Variants in NCKAP5 observed in about 807,000 individuals in gnomAD.
The protein encoded by NCKAP5 is nck-associated protein 5.
A neutral mutation model predicts 167.0 loss-of-function variants in NCKAP5; 92 were observed. That is an observed-to-expected ratio of 0.55 (90% CI 0.47 to 0.66). NCKAP5 has a LOEUF of 0.66. NCKAP5 is among the 30% of genes least tolerant of loss of function. The pLI is 0.00. For missense variants in NCKAP5, 2,378 were observed against 2,315.0 expected (o/e 1.03, Z -0.56); for synonymous variants, 891 against 877.4 (o/e 1.02, Z -0.27).
intron 3 of NCKAP5, among the ~76,000 whole-genome samples, chr2:133,396,393 C>G (rs1345429361): frequency 1.3e-5 from 2 of 152,106 alleles, no homozygotes; most frequent in African/African-American, 4.8e-5. Flanking sequence ...CCTACACTCA[C>G]TAATTCTTTC....
At chr2:133,016,461 C>T (rs751684422) in intron 6 of NCKAP5, among the ~76,000 whole-genome samples, 18 of 152,138 alleles carry the variant, frequency 1.2e-4, no homozygotes, top group Non-Finnish European at 2.1e-4. Context: ...ACAGGCCTTC[C>T]GTGTTAAGAA....
the NCKAP5 span, among the ~76,000 whole-genome samples, chr2:133,577,526 T>C: frequency 1.3e-5 from 2 of 152,148 alleles, no homozygotes; most frequent in African/African-American, 4.8e-5. Context: ...TTTTAAATTA[T>C]TATTATTATA....
intron 4 of NCKAP5, 81 bp downstream of exon 4, chr2:133,302,956 G>T: frequency 1.0e-6 from 1 of 972,032 alleles, no homozygotes; most frequent in Non-Finnish European, 1.6e-6. Flanking sequence ...ATATTCTGTA[G>T]TCTAACTGAA....
chr2:133,071,312 G>C (rs1432805983), intron 6 of NCKAP5, among the ~76,000 whole-genome samples: 1 of 151,762 alleles, frequency 6.6e-6, no homozygotes, highest in African/African-American at 2.4e-5. Context: ...GGGCGTAGTG[G>C]CGGGCGCCTG....
At chr2:133,590,241 A>G in the NCKAP5 span, among the ~76,000 whole-genome samples, 27 of 152,152 alleles carry the variant, frequency 1.8e-4, no homozygotes, top group African/African-American at 6.3e-4. Context: ...CTGTAATTCC[A>G]GCACTTTGGG....
At chr2:132,976,365 C>G (rs1191053674) in intron 7 of NCKAP5, among the ~76,000 whole-genome samples, 2 of 152,004 alleles carry the variant, frequency 1.3e-5, no homozygotes, top group East Asian at 3.9e-4. Context: ...GAGTTCAAGA[C>G]CAGCTTGGCC....
At chr2:133,661,665 G>T in the NCKAP5 span, among the ~76,000 whole-genome samples, 6 of 152,118 alleles carry the variant, frequency 3.9e-5, no homozygotes, top group Non-Finnish European at 5.9e-5. Flanking sequence ...CTCACTCCTA[G>T]CAGGCTTCCA....
At chr2:133,255,340 A>G (rs1353831056) in intron 4 of NCKAP5, among the ~76,000 whole-genome samples, 1 of 152,200 alleles carries the variant, frequency 6.6e-6, no homozygotes, top group African/African-American at 2.4e-5. Context: ...AATGCAAAAT[A>G]AAATAAACTG....
intron 5 of NCKAP5, among the ~76,000 whole-genome samples, chr2:133,194,227 C>A (rs1213929352): frequency 6.6e-6 from 1 of 151,966 alleles, no homozygotes; most frequent in Non-Finnish European, 1.5e-5. Context: ...TTATCCTATA[C>A]CTGAATTAAT....
chr2:132,995,033 G>A (rs1367284618), intron 6 of NCKAP5, among the ~76,000 whole-genome samples: 5 of 152,132 alleles, frequency 3.3e-5, no homozygotes, highest in South Asian at 4.1e-4. Flanking sequence ...CACTTGCCAC[G>A]AATGGAGCTC....
intron 3 of NCKAP5, among the ~76,000 whole-genome samples, chr2:133,310,140 C>CA (rs1681129198): frequency 6.6e-6 from 1 of 152,088 alleles, no homozygotes; most frequent in Non-Finnish European, 1.5e-5. Context: ...ATGGTGAATG[C>CA]AAAAAACTCA....
At chr2:132,759,561 C>T (rs917298804) in intron 16 of NCKAP5, among the ~76,000 whole-genome samples, 3 of 152,094 alleles carry the variant, frequency 2.0e-5, no homozygotes, top group Non-Finnish European at 4.4e-5. Flanking sequence ...AAACTTAACT[C>T]CCAAATCGAT....
At chr2:133,599,463 G>A in the NCKAP5 span, among the ~76,000 whole-genome samples, 1 of 152,210 alleles carries the variant, frequency 6.6e-6, no homozygotes, top group African/African-American at 2.4e-5. Context: ...CAATGTTGAG[G>A]TGAGGAATAC....
intron 5 of NCKAP5, among the ~76,000 whole-genome samples, chr2:133,186,080 T>G (rs1187510413): frequency 6.6e-6 from 1 of 152,178 alleles, no homozygotes; most frequent in Non-Finnish European, 1.5e-5. Flanking sequence ...TTGTTCAGTA[T>G]GATGTTGGCT....
At chr2:133,509,243 C>G (rs1277607140) in intron 3 of NCKAP5, among the ~76,000 whole-genome samples, 1 of 152,198 alleles carries the variant, frequency 6.6e-6, no homozygotes, top group Non-Finnish European at 1.5e-5. Context: ...TAAAATATAT[C>G]AAAGAATTCA....
intron 11 of NCKAP5, among the ~76,000 whole-genome samples, chr2:132,852,147 T>C (rs537575154): frequency 1.2e-4 from 19 of 152,314 alleles, no homozygotes; most frequent in Admixed American, 6.5e-4. Context: ...TAGTGCTTAA[T>C]AACAATTTTT....
chr2:132,953,032 G>A (rs1262158093), intron 8 of NCKAP5, among the ~76,000 whole-genome samples: 1 of 152,196 alleles, frequency 6.6e-6, no homozygotes, highest in Admixed American at 6.5e-5. Flanking sequence ...CATAGATGTT[G>A]TTAGCTCTTC....
chr2:133,541,856 G>A lies in NCKAP5; in HGVS notation c.-62+17194C>T, dbSNP rs562032442. On this transcript the variant is annotated intron_variant, in intron 2 of 19. Transcript: ENST00000409261. The stretch of plus-strand genomic sequence containing the variant: ...TGAGGACTAAGTCGCCATAAACAAT[G>A]CCCCAAACCACTTTGCAAAACTAGG... Among the ~76,000 whole-genome samples the A allele has an allele frequency of 4.4e-4, 67 of 152,076 alleles. 1 individual carries two copies. Among genetic ancestry groups the A allele is most frequent in the Non-Finnish European group, 5.9e-5 (4 of 67,976 alleles).
At chr2:132,970,037 T>C (rs1159420253) in intron 7 of NCKAP5, among the ~76,000 whole-genome samples, 1 of 152,012 alleles carries the variant, frequency 6.6e-6, no homozygotes, top group African/African-American at 2.4e-5. Context: ...AACAAATAGG[T>C]GGAGACAGAG....
Sources: allele counts gnomAD v4.1 joint callset (sites outside exome capture counted in the v4.1 genomes callset), GRCh38; gene constraint gnomAD v4.1.1; transcripts MANE v1.5; gene names NCBI Gene and HGNC (gene_info 2026-07-23, HGNC 2026-07-21).